Variants in ZNF714 observed in about 807,000 individuals in gnomAD.
ZNF714 encodes zinc finger protein 714.
ZNF714 carries 32 observed loss-of-function variants against 46.2 expected under a neutral mutation model. The observed-to-expected ratio is 0.69, with a 90% CI of 0.52 to 0.93. ZNF714 has a LOEUF of 0.93. Among genes scored for constraint, ZNF714 ranks in the 40% least tolerant of loss-of-function variants. The pLI, the probability that ZNF714 is intolerant of heterozygous loss-of-function variation, is 0.00. For synonymous variants in ZNF714, 199 were observed against 213.1 expected (o/e 0.93, Z 0.58); for missense variants, 635 against 646.3 (o/e 0.98, Z 0.19).
At chr19:21,098,698 G>A (rs914114490) in intron 3 of ZNF714, 114 bp from the exon 4 acceptor site, 245 of 622,104 alleles carry the variant, frequency 3.9e-4, no homozygotes, top group Middle Eastern at 4.4e-4. Context: ...TCATTAATTA[G>A]TATTTTAGGA....
At position 21,109,018 on chromosome 19, in the gene ZNF714, A is replaced by G. The variant is rs561429909; in HGVS notation, c.143-7789A>G. On this transcript the variant is annotated intron_variant, in intron 4 of 4. Transcript: ENST00000456283. Reference sequence around the variant, plus strand: ...CATTATGTAATACTGTGTTTGTCCTATGCTAGTACTTGACTTAAAATACAT... The same window carrying G: ...CATTATGTAATACTGTGTTTGTCCTGTGCTAGTACTTGACTTAAAATACAT... Among the ~76,000 whole-genome samples, 121 of 152,274 alleles carry G rather than the reference A, an allele frequency of 7.9e-4. No homozygotes were observed. In the Middle Eastern group the frequency reaches 0.014, roughly 17 times the overall value.
chr19:21,085,512 T>C (rs1266640532), intron 2 of ZNF714, among the ~76,000 whole-genome samples: 1 of 152,302 alleles, frequency 6.6e-6, no homozygotes, highest in Admixed American at 6.5e-5. Context: ...ATGAACACTG[T>C]GTTTGAGTAA....
intron 4 of ZNF714, 52 bp from the exon 5 acceptor site, chr19:21,116,755 T>C: frequency 1.3e-6 from 2 of 1,522,172 alleles, no homozygotes; most frequent in South Asian, 1.4e-5. Flanking sequence ...TTGTAAAGTA[T>C]GTTTATCAGA....
chr19:21,106,503 A>T (rs1385607015), intron 4 of ZNF714, among the ~76,000 whole-genome samples: 1 of 146,786 alleles, frequency 6.8e-6, no homozygotes, highest in Non-Finnish European at 1.5e-5. Flanking sequence ...TGGGAGGCGG[A>T]TGTTGTAGTG....
At chr19:21,096,199 A>G (rs1969037001) in intron 2 of ZNF714, among the ~76,000 whole-genome samples, 2 of 152,130 alleles carry the variant, frequency 1.3e-5, no homozygotes, top group Admixed American at 1.3e-4. Context: ...ATTTCCGTGG[A>G]GCAACTCATT....
rs1038004349 is a variant in ZNF714, at chr19:21,117,565, A to G, written c.901A>G (p.Thr301Ala). 6 of 1,606,294 alleles carry G rather than the reference A, an allele frequency of 3.7e-6. No homozygotes were observed. In the African/African-American group the frequency reaches 5.4e-5, roughly 14 times the overall value. The change falls in exon 5 of 5, where the codon ACT becomes GCT. Residue 301 changes from threonine to alanine, a missense_variant. Coordinates refer to ENST00000456283, the MANE Select transcript of ZNF714 (RefSeq NM_182515.4). ...DKAFNRFSYL[T>A]KHKIIHSGEK... The stretch of plus-strand genomic sequence containing the variant: ...AGCTTTTAACCGATTCTCATACCTT[A>G]CTAAACATAAGATAATTCATTCTGG...
At chr19:21,108,277 A>G (rs1969368686) in intron 4 of ZNF714, among the ~76,000 whole-genome samples, 3 of 152,238 alleles carry the variant, frequency 2.0e-5, no homozygotes, top group Admixed American at 2.0e-4. Flanking sequence ...AACAGAATAC[A>G]TCAGGTGCAA....
At chr19:21,087,533 A>G (rs1205099119) in intron 2 of ZNF714, among the ~76,000 whole-genome samples, 2 of 152,144 alleles carry the variant, frequency 1.3e-5, no homozygotes, top group African/African-American at 4.8e-5. Context: ...AGACAAACCT[A>G]TCCAATTTTA....
intron 4 of ZNF714, among the ~76,000 whole-genome samples, chr19:21,116,003 A>C (rs376741397): frequency 6.6e-6 from 1 of 151,754 alleles, no homozygotes; most frequent in African/African-American, 2.4e-5. Context: ...AAATTTTATA[A>C]TATTTTTGAT....
At chr19:21,104,216 ATAT>A (rs1397201657) in intron 4 of ZNF714, among the ~76,000 whole-genome samples, 18 of 140,208 alleles carry the variant, frequency 1.3e-4, no homozygotes, top group Non-Finnish European at 1.9e-4. Context: ...AATTATGATA[ATAT>A]TTGATAATCT....
At chr19:21,105,938 GA>G (rs1161489618) in intron 4 of ZNF714, among the ~76,000 whole-genome samples, 1 of 151,792 alleles carries the variant, frequency 6.6e-6, no homozygotes, top group Non-Finnish European at 1.5e-5. Context: ...CTTGGTGACA[GA>G]ATGAGACTCC....
rs886257691 is a variant in ZNF714 at position 21,123,476 on chromosome 19, TCCCGA to T, written c.*5145_*5149del. On this transcript the variant is annotated 3_prime_UTR_variant, in exon 5 of 5. Coordinates refer to ENST00000456283, the MANE Select transcript of ZNF714 (RefSeq NM_182515.4). ...TTCACGCCATTCTCCCGCCTCAGCC[TCCCGA>T]GTAGCTGGGACTACAGGCGCCCGCT... Among the ~76,000 whole-genome samples the T allele has an allele frequency of 6.6e-5, 10 of 152,050 alleles. No individual in the cohort carries two copies. The highest frequency in any genetic ancestry group is 1.3e-4 in the Admixed American group (2 of 15,244).
intron 4 of ZNF714, among the ~76,000 whole-genome samples, chr19:21,116,242 T>G (rs1172829727): frequency 6.6e-6 from 1 of 152,142 alleles, no homozygotes; most frequent in Non-Finnish European, 1.5e-5. Context: ...TGCTTCATCT[T>G]AATCAGTAAC....
At position 21,124,628 on chromosome 19, in the gene ZNF714, T is replaced by C. The variant is rs765261370; in HGVS notation, c.*6296T>C. 7.2e-5 allele frequency among the ~76,000 whole-genome samples: 11 copies of C among 152,222 alleles called. No individual in the cohort carries two copies. The highest frequency in any genetic ancestry group is 1.5e-4 in the Non-Finnish European group (10 of 68,030). On this transcript the variant is annotated 3_prime_UTR_variant, in exon 5 of 5. Coordinates refer to ENST00000456283, the MANE Select transcript of ZNF714 (RefSeq NM_182515.4). ...ATTTTTGTGGTGAGACCACGTCTTA[T>C]CATTTTTCAAAAATCCAAATACATT...
intron 2 of ZNF714, among the ~76,000 whole-genome samples, chr19:21,096,784 G>A (rs1568275371): frequency 6.6e-6 from 1 of 152,166 alleles, no homozygotes; most frequent in African/African-American, 2.4e-5. Flanking sequence ...ATGTTGAGGT[G>A]TCGCTTGTGT....
chr19:21,117,462 T>C lies in ZNF714; in HGVS notation c.798T>C (p.Phe266=). 1 of 1,611,708 alleles carries C rather than the reference T, an allele frequency of 6.2e-7. No individual in the cohort carries two copies. The highest frequency in any genetic ancestry group is 8.5e-7 in the Non-Finnish European group (1 of 1,178,596). ...AATGTGAAGAATGTGGTAAAGCTTT[T>C]AACCACCCTTCAGCCCTTACTACAC... ...PFKCEECGKA[F]NHPSALTTHK... Residue 266 remains phenylalanine, a synonymous_variant, in exon 5 of 5, where the codon TTT becomes TTC. Coordinates refer to ENST00000456283, the MANE Select transcript of ZNF714 (RefSeq NM_182515.4).
chr19:21,099,565 G>A (rs1035263060), intron 4 of ZNF714, among the ~76,000 whole-genome samples: 18 of 151,886 alleles, frequency 1.2e-4, no homozygotes, highest in Admixed American at 2.6e-4. Context: ...GTTCCATTAG[G>A]GGTTTCTTGT....
intron 4 of ZNF714, 113 bp from the exon 5 acceptor site, chr19:21,116,694 G>A (rs1026186438): frequency 8.0e-6 from 10 of 1,247,664 alleles, no homozygotes; most frequent in African/African-American, 4.6e-5. Flanking sequence ...AGGGCCTGTG[G>A]TATTTTATTA....
intron 4 of ZNF714, among the ~76,000 whole-genome samples, chr19:21,116,253 C>T (rs182754796): frequency 1.3e-5 from 2 of 151,876 alleles, no homozygotes; most frequent in Admixed American, 1.3e-4. Flanking sequence ...AATCAGTAAC[C>T]ATTTGCTCTG....
Sources: allele counts gnomAD v4.1 joint callset (sites outside exome capture counted in the v4.1 genomes callset), GRCh38; gene constraint gnomAD v4.1.1; transcripts MANE v1.5; gene names NCBI Gene and HGNC (gene_info 2026-07-23, HGNC 2026-07-21).